CALN1: variants seen among roughly 807,000 people sequenced by gnomAD.
The protein encoded by CALN1 is calneuron 1, also known as calcium-binding protein 8.
CALN1 carries 17 observed loss-of-function variants against 30.6 expected under a neutral mutation model. The observed-to-expected ratio is 0.56, with a 90% CI of 0.38 to 0.83. CALN1 has a LOEUF of 0.83. Ranked by LOEUF, CALN1 falls within the 40% of genes least tolerant of loss-of-function variation. The probability of loss-of-function intolerance (pLI) is 0.00; values close to 1 mark genes in which losing one functional copy is unlikely to be tolerated. For missense variants in CALN1, 291 were observed against 354.9 expected (o/e 0.82, Z 1.45); for synonymous variants, 156 against 131.4 (o/e 1.19, Z -1.28).
At chr7:72,349,073 A>G (rs1802787799) in intron 2 of CALN1, among the ~76,000 whole-genome samples, 1 of 152,224 alleles carries the variant, frequency 6.6e-6, no homozygotes, top group Non-Finnish European at 1.5e-5. Flanking sequence ...ACTTAATGTG[A>G]AAAAGCTATT....
At chr7:72,444,585 G>A (rs1465976967) in intron 1 of CALN1, among the ~76,000 whole-genome samples, 1 of 152,104 alleles carries the variant, frequency 6.6e-6, no homozygotes, top group Non-Finnish European at 1.5e-5. Flanking sequence ...AGAGTGACAG[G>A]GAGGAGGCCA....
chr7:72,372,630 C>T (rs1233483749), intron 2 of CALN1, among the ~76,000 whole-genome samples: 2 of 152,062 alleles, frequency 1.3e-5, no homozygotes, highest in African/African-American at 4.8e-5. Context: ...TGGTGCCAAA[C>T]TAGTCACTGG....
At chr7:72,422,731 C>T (rs1807654171) in intron 1 of CALN1, among the ~76,000 whole-genome samples, 1 of 152,222 alleles carries the variant, frequency 6.6e-6, no homozygotes, top group Non-Finnish European at 1.5e-5. Flanking sequence ...TCTTTGTCAA[C>T]CTTTCTGTTT....
rs1423345400 is a variant in CALN1, at chr7:71,859,370, G to A, written c.502-48878C>T. ...TGTGGGCATCATTTTTTATTTGTCTGTTGACCTCCGGACACCAAGTCAGTC... is the reference window on the plus strand; with the variant it reads ...TGTGGGCATCATTTTTTATTTGTCTATTGACCTCCGGACACCAAGTCAGTC... On this transcript the variant is annotated intron_variant, in intron 5 of 6. Transcript: ENST00000395275. Among the ~76,000 whole-genome samples, 4 of 152,230 alleles carry A rather than the reference G, an allele frequency of 2.6e-5. No individual in the cohort carries two copies. The East Asian group carries it at 7.7e-4, about 29-fold the overall frequency.
intron 3 of CALN1, among the ~76,000 whole-genome samples, chr7:72,194,405 G>A (rs911794776): frequency 1.3e-5 from 2 of 151,940 alleles, no homozygotes; most frequent in Non-Finnish European, 2.9e-5. Flanking sequence ...TGGTACATGC[G>A]TGTAATCCCA....
At chr7:71,837,949 C>G (rs918226896) in intron 5 of CALN1, among the ~76,000 whole-genome samples, 4 of 151,632 alleles carry the variant, frequency 2.6e-5, no homozygotes, top group African/African-American at 7.3e-5. Context: ...GGGAGAAGTA[C>G]TAATTTTATT....
At chr7:72,444,261 A>C (rs1808453025) in intron 1 of CALN1, among the ~76,000 whole-genome samples, 1 of 152,024 alleles carries the variant, frequency 6.6e-6, no homozygotes, top group African/African-American at 2.4e-5. Context: ...CAATCAGAAC[A>C]GCTCCCAGGG....
intron 5 of CALN1, among the ~76,000 whole-genome samples, chr7:71,923,287 A>G (rs1795078636): frequency 6.6e-6 from 1 of 152,172 alleles, no homozygotes; most frequent in Admixed American, 6.6e-5. Context: ...TGCTCTGTTG[A>G]TGCTTGCTTT....
At position 71,978,262 on chromosome 7, in the gene CALN1, CTTTTTTTTTTT is replaced by C. The variant is rs1010635078; in HGVS notation, c.501+45384_501+45394del. Among the ~76,000 whole-genome samples, 362 of 72,940 alleles carry C rather than the reference CTTTTTTTTTTT, an allele frequency of 5.0e-3. 2 individuals carry two copies. The highest frequency in any genetic ancestry group is 0.019 in the African/African-American group (338 of 17,642). The allele number at this position is 72,940 out of a possible 152,430, so 47.9% of individuals were successfully genotyped here. A position where few individuals can be genotyped will look rare whatever the true frequency, so the allele number is the denominator to read the frequency against. On this transcript the variant is annotated intron_variant, in intron 5 of 6. Coordinates refer to ENST00000395275, the MANE Select transcript of CALN1 (RefSeq NM_031468.4). ...AAAAACTCAGGGACTCTAGAGAATT[CTTTTTTTTTTT>C]TTTTTTTTTTTTTTTTGAGGGGGAG...
intron 5 of CALN1, among the ~76,000 whole-genome samples, chr7:71,922,883 T>C (rs1031993611): frequency 1.0e-5 from 1 of 98,528 alleles, no homozygotes; most frequent in Non-Finnish European, 2.1e-5. Context: ...TATAAACATA[T>C]ATATTAATAT....
chr7:72,392,483 G>A (rs568016117), intron 2 of CALN1, among the ~76,000 whole-genome samples: 1 of 152,156 alleles, frequency 6.6e-6, no homozygotes, highest in Non-Finnish European at 1.5e-5. Flanking sequence ...ACTGAGGAAG[G>A]GGCACATAGT....
chr7:72,122,337 C>T (rs1234675212), intron 3 of CALN1, among the ~76,000 whole-genome samples: 2 of 152,080 alleles, frequency 1.3e-5, no homozygotes, highest in Admixed American at 1.3e-4. Flanking sequence ...GAACAAAATC[C>T]AAGTTCCAGA....
At chr7:72,246,594 G>GA (rs1194781697) in intron 3 of CALN1, among the ~76,000 whole-genome samples, 2 of 151,784 alleles carry the variant, frequency 1.3e-5, no homozygotes, top group Non-Finnish European at 2.9e-5. Flanking sequence ...AGAAAGTGAT[G>GA]AAAAAAAGGA....
chr7:71,868,219 CATTGGCTCACAGTTCCATGGGCTAT>C (rs1791701746), intron 5 of CALN1, among the ~76,000 whole-genome samples: 1 of 152,096 alleles, frequency 6.6e-6, no homozygotes, highest in Non-Finnish European at 1.5e-5. Flanking sequence ...AAAGAAGTTT[CATTGGCTCACAGTTCCATGGGCTAT>C]ATAGGAAGCA....
intron 1 of CALN1, among the ~76,000 whole-genome samples, chr7:72,419,059 G>C (rs934280170): frequency 1.3e-5 from 2 of 152,028 alleles, no homozygotes; most frequent in Admixed American, 6.6e-5. Context: ...CCATTGAAAA[G>C]CCTAGAAGTA....
intron 3 of CALN1, among the ~76,000 whole-genome samples, chr7:72,219,388 G>A (rs1793095006): frequency 6.6e-6 from 1 of 151,996 alleles, no homozygotes; most frequent in African/African-American, 2.4e-5. Context: ...ACCACAACTG[G>A]CTAATTTTTC....
At chr7:71,960,445 A>C (rs1300739648) in intron 5 of CALN1, among the ~76,000 whole-genome samples, 1 of 152,070 alleles carries the variant, frequency 6.6e-6, no homozygotes, top group African/African-American at 2.4e-5. Context: ...TCTGTTTCTG[A>C]GCTATTTCAC....
intron 3 of CALN1, among the ~76,000 whole-genome samples, chr7:72,184,490 T>C (rs1055583183): frequency 1.1e-4 from 17 of 152,202 alleles, no homozygotes; most frequent in African/African-American, 4.1e-4. Context: ...GGAGTTAACA[T>C]AGTTAAGGTG....
At chr7:72,223,250 T>C (rs1793434439) in intron 3 of CALN1, among the ~76,000 whole-genome samples, 1 of 151,986 alleles carries the variant, frequency 6.6e-6, no homozygotes, top group African/African-American at 2.4e-5. Flanking sequence ...GAAATTGAGG[T>C]GGAGCTGGGC....
Sources: allele counts gnomAD v4.1 joint callset (sites outside exome capture counted in the v4.1 genomes callset), GRCh38; gene constraint gnomAD v4.1.1; transcripts MANE v1.5; gene names NCBI Gene and HGNC (gene_info 2026-07-23, HGNC 2026-07-21).